KDM8: variants seen among roughly 807,000 people sequenced by gnomAD.
The protein encoded by KDM8 is bifunctional peptidase and arginyl-hydroxylase JMJD5.
KDM8 carries 35 observed loss-of-function variants against 46.9 expected under a neutral mutation model. That is an observed-to-expected ratio of 0.75 (90% CI 0.57 to 0.99). The LOEUF (loss-of-function observed/expected upper bound fraction) is 0.99. Among genes scored for constraint, KDM8 ranks in the 50% least tolerant of loss-of-function variants. KDM8 has a pLI of 0.00. For missense variants in KDM8, 475 were observed against 537.0 expected (o/e 0.88, Z 1.14); for synonymous variants, 232 against 227.7 (o/e 1.02, Z -0.17).
At chr16:27,211,091 G>C in intron 2 of KDM8, 1 of 453,268 alleles carries the variant, frequency 2.2e-6, no homozygotes, top group South Asian at 1.6e-5. Flanking sequence ...CATTGACTTT[G>C]GAAATGGAAC....
intron 3 of KDM8, 63 bp from the exon 4 acceptor site, chr16:27,214,813 A>T: frequency 6.3e-7 from 1 of 1,583,592 alleles, no homozygotes; most frequent in Non-Finnish European, 8.7e-7. Context: ...CATGCAAAGC[A>T]CACTTAGTAC....
At chr16:27,218,446 G>A (rs1166425185) in intron 5 of KDM8, among the ~76,000 whole-genome samples, 1 of 152,110 alleles carries the variant, frequency 6.6e-6, no homozygotes, top group African/African-American at 2.4e-5. Context: ...ACAGACCCAG[G>A]CCCACACCTG....
At chr16:27,213,999 G>A (rs1040927751) in intron 3 of KDM8, 1 of 429,986 alleles carries the variant, frequency 2.3e-6, no homozygotes, top group Non-Finnish European at 4.1e-6. Context: ...TCCCTAAGTG[G>A]CAGTCCTAGA....
intron 4 of KDM8, among the ~76,000 whole-genome samples, chr16:27,215,587 G>A (rs576615674): frequency 9.9e-5 from 15 of 152,222 alleles, no homozygotes; most frequent in South Asian, 2.1e-4. Flanking sequence ...TCAAAATTAC[G>A]ACAGGACAGG....
intron 4 of KDM8, among the ~76,000 whole-genome samples, chr16:27,215,394 A>T (rs913737219): frequency 2.6e-5 from 4 of 152,184 alleles, no homozygotes; most frequent in African/African-American, 7.2e-5. Flanking sequence ...AGCCTGGGAA[A>T]CATAGTGAAA....
rs2083618246 is a variant in KDM8 at position 27,220,999 on chromosome 16, T to C, written c.*269T>C. 4 of 513,442 alleles carry C rather than the reference T, an allele frequency of 7.8e-6. No homozygotes were observed. Among genetic ancestry groups the C allele is most frequent in the Non-Finnish European group, 1.1e-5 (3 of 281,440 alleles). 31.8% of individuals were successfully genotyped at this position (513,442 alleles called of 1,614,324 possible). A position where few individuals can be genotyped will look rare whatever the true frequency, so the allele number is the denominator to read the frequency against. ...GGACATTGCAGACAGACAGCCTGCATGGGGACTCTGGCATCAGAAAGCCGA... is the reference window on the plus strand; with the variant it reads ...GGACATTGCAGACAGACAGCCTGCACGGGGACTCTGGCATCAGAAAGCCGA... On this transcript the variant is annotated 3_prime_UTR_variant, in exon 8 of 8. Coordinates refer to ENST00000286096, the MANE Select transcript of KDM8 (RefSeq NM_024773.3).
At chr16:27,206,161 G>A in intron 1 of KDM8, 1 of 933,040 alleles carries the variant, frequency 1.1e-6, no homozygotes, top group African/African-American at 1.8e-5. Flanking sequence ...CTCAAAGACT[G>A]CTTCACACAT....
At chr16:27,209,903 G>A (rs1005977219) in intron 1 of KDM8, among the ~76,000 whole-genome samples, 190 bp from the exon 2 acceptor site, 1 of 152,240 alleles carries the variant, frequency 6.6e-6, no homozygotes, top group African/African-American at 2.4e-5. Flanking sequence ...TGAGTACCAG[G>A]TGTTGCGCCA....
Position 27,215,936 on chromosome 16 carries a change from G to A in KDM8, c.799-9G>A. The A allele has an allele frequency of 6.2e-7, 1 of 1,614,160 alleles. No individual in the cohort carries two copies. On this transcript the variant is annotated splice_polypyrimidine_tract_variant and intron_variant, in intron 4 of 7. Coordinates refer to ENST00000286096, the MANE Select transcript of KDM8 (RefSeq NM_024773.3). ...TCTGTGTTGCCTCTGGTTTTCCCCG[G>A]TGGATTAGCCAAGGGACGTCGGGTA...
rs150533050 is a variant in KDM8 at position 27,207,265 on chromosome 16, G to A, written c.-31-2828G>A. ...TCTACTAAAAATACAAAAATTAGTCGGGCGTGATGGCATGCGTGCCTGTGG... is the reference window on the plus strand; with the variant it reads ...TCTACTAAAAATACAAAAATTAGTCAGGCGTGATGGCATGCGTGCCTGTGG... On this transcript the variant is annotated intron_variant, in intron 1 of 7. Transcript: ENST00000286096. Among the ~76,000 whole-genome samples, 7 of 152,298 alleles carry A rather than the reference G, an allele frequency of 4.6e-5. No individual in the cohort carries two copies. In the East Asian group the frequency reaches 1.2e-3, roughly 25 times the overall value.
At chr16:27,208,881 T>C (rs1363647618) in intron 1 of KDM8, among the ~76,000 whole-genome samples, 1 of 152,194 alleles carries the variant, frequency 6.6e-6, no homozygotes, top group Non-Finnish European at 1.5e-5. Flanking sequence ...AGCCCTACCA[T>C]ACCCTGAGCT....
At position 27,218,970 on chromosome 16, in the gene KDM8, T is replaced by C. The variant is rs749848967; in HGVS notation, c.853T>C (p.Leu285=). The C allele has an allele frequency of 6.2e-7, 1 of 1,613,890 alleles. No individual in the cohort carries two copies. The highest frequency in any genetic ancestry group is 1.7e-5 in the Admixed American group (1 of 59,998). ...QHQLFDQIPE[L]KQDISIPDYC... ...GCTCTGCCGCCCACAGATCCCGGAG[T>C]TGAAGCAGGACATCAGCATCCCCGA... The change falls in exon 6 of 8, where the codon TTG becomes CTG. Residue 285 remains leucine, a synonymous_variant. Coordinates refer to ENST00000286096, the MANE Select transcript of KDM8 (RefSeq NM_024773.3).
At position 27,210,111 on chromosome 16, in the gene KDM8, T is replaced by A; in HGVS notation, c.-13T>A. 1 of 1,609,074 alleles carries A rather than the reference T, an allele frequency of 6.2e-7. No individual in the cohort carries two copies. The highest frequency in any genetic ancestry group is 8.5e-7 in the Non-Finnish European group (1 of 1,177,704). On this transcript the variant is annotated 5_prime_UTR_variant, in exon 2 of 8. Coordinates refer to ENST00000286096, the MANE Select transcript of KDM8 (RefSeq NM_024773.3). ...TCCCCAGGCACGGGACTGAACCAGC[T>A]GGTGGTGGCCCGATGGCTGGAGACA...
At position 27,214,907 on chromosome 16, in the gene KDM8, C is replaced by T. The variant is rs138715679; in HGVS notation, c.697C>T (p.Arg233Ter). The stretch of plus-strand genomic sequence containing the variant: ...GTATATCCAGGAGATCGCTGGCTGC[C>T]GAACTGTCCCAGTGGAAGTTGGTTC... ...LEYIQEIAGC[R>*]TVPVEVGSRY... Residue 233 changes from arginine (R) to a stop codon, truncating the protein, a stop_gained, in exon 4 of 8, where the codon CGA becomes TGA. Transcript: ENST00000286096. LOFTEE classifies it high-confidence loss of function. 4.3e-6 allele frequency: 7 copies of T among 1,614,046 alleles called. No individual in the cohort carries two copies. The Admixed American group carries it at 5.0e-5, about 12-fold the overall frequency.
Position 27,210,398 on chromosome 16 carries a change from G to A in KDM8, c.275G>A (p.Arg92His), listed in dbSNP as rs199597912. Reference protein sequence around the residue: ...GTWQDVDKDWRRVYAIGCLLK... With the variant: ...GTWQDVDKDWHRVYAIGCLLK... ...TGGCAGGACGTAGACAAAGACTGGCGCCGGGTCTACGCCATCGGCTGCCTC... is the reference window on the plus strand; with the variant it reads ...TGGCAGGACGTAGACAAAGACTGGCACCGGGTCTACGCCATCGGCTGCCTC... Residue 92 changes from arginine to histidine, a missense_variant, in exon 2 of 8, where the codon CGC becomes CAC. By Grantham distance (29) the Arg-to-His change is conservative. Transcript: ENST00000286096. The A allele has an allele frequency of 8.1e-6, 13 of 1,612,296 alleles. 1 individual carries two copies. Among genetic ancestry groups the A allele is most frequent in the South Asian group, 7.7e-5 (7 of 91,078 alleles).
intron 1 of KDM8, chr16:27,203,987 C>T: frequency 1.1e-6 from 1 of 891,350 alleles, no homozygotes; most frequent in Non-Finnish European, 1.7e-6. Flanking sequence ...TGCGCCTGCG[C>T]GGGTTTTATA....
At position 27,220,688 on chromosome 16, in the gene KDM8, G is replaced by A; in HGVS notation, c.1209G>A (p.Arg403=). Residue 403 remains arginine (R), a synonymous_variant, in exon 8 of 8, where the codon CGG becomes CGA. Coordinates refer to ENST00000286096, the MANE Select transcript of KDM8 (RefSeq NM_024773.3). ...CGGTGAAATACTGGCATTACGTGCG[G>A]GCTCTGGATTTGAGCTTCTCGGTCA... ...FIPVKYWHYV[R]ALDLSFSVSF... is the part of the protein sequence containing the mutation. The A allele has an allele frequency of 6.2e-7, 1 of 1,614,194 alleles. No homozygotes were observed. The highest frequency in any genetic ancestry group is 8.5e-7 in the Non-Finnish European group (1 of 1,180,042).
At chr16:27,209,545 G>A (rs2083460494) in intron 1 of KDM8, among the ~76,000 whole-genome samples, 1 of 152,194 alleles carries the variant, frequency 6.6e-6, no homozygotes, top group Non-Finnish European at 1.5e-5. Context: ...ACTTTTCAAA[G>A]CCTGGCACTC....
intron 7 of KDM8, 40 bp downstream of exon 7, chr16:27,220,525 C>G (rs1267277331): frequency 5.6e-6 from 9 of 1,614,096 alleles, no homozygotes; most frequent in South Asian, 2.2e-5. Flanking sequence ...CAGGTTCTCC[C>G]CACTGCCCCT....
Sources: gnomAD v4.1 joint callset for allele counts (sites outside exome capture counted in the v4.1 genomes callset) on GRCh38, gnomAD v4.1.1 for gene constraint, MANE v1.5 for transcripts, NCBI Gene and HGNC (gene_info 2026-07-23, HGNC 2026-07-21) for gene names.